The following CDH12 variants were observed in gnomAD, a reference collection of about 807,000 sequenced individuals.
CDH12 encodes cadherin-12.
In CDH12, 41 loss-of-function variants were observed where a neutral mutation model predicts 74.1. The observed-to-expected ratio is 0.55, with a 90% CI of 0.43 to 0.72. The LOEUF is 0.72. Among genes scored for constraint, CDH12 ranks in the 30% least tolerant of loss-of-function variants. The pLI, the probability that CDH12 is intolerant of heterozygous loss-of-function variation, is 0.00. For synonymous variants in CDH12, 399 were observed against 355.0 expected, an observed-to-expected ratio of 1.12 and a Z score of -1.39; for missense variants, 945 against 977.2, an observed-to-expected ratio of 0.97 and a Z score of 0.44.
At chr5:22,352,136 T>C (rs1740380729) in intron 3 of CDH12, among the ~76,000 whole-genome samples, 1 of 151,994 alleles carries the variant, frequency 6.6e-6, no homozygotes, top group Non-Finnish European at 1.5e-5. Flanking sequence ...GTTTTTTTTT[T>C]TTTAATTTGG....
intron 4 of CDH12, among the ~76,000 whole-genome samples, chr5:22,177,225 A>T (rs1324603137): frequency 1.3e-5 from 2 of 152,150 alleles, no homozygotes; most frequent in Admixed American, 6.6e-5. Flanking sequence ...AAATCCCATG[A>T]TTATTTTATG....
intron 10 of CDH12, among the ~76,000 whole-genome samples, chr5:21,792,790 C>G (rs1292298621): frequency 1.3e-5 from 2 of 151,610 alleles, no homozygotes; most frequent in Non-Finnish European, 3.0e-5. Flanking sequence ...TACACCTGTC[C>G]TTTAGTTTAC....
chr5:22,271,748 T>C (rs1388561590), intron 3 of CDH12, among the ~76,000 whole-genome samples: 1 of 152,170 alleles, frequency 6.6e-6, no homozygotes, highest in East Asian at 1.9e-4. Flanking sequence ...AGTTCTTGAG[T>C]GACCAGGTAC....
chr5:22,700,003 C>T (rs1742626729), intron 1 of CDH12, among the ~76,000 whole-genome samples: 1 of 152,012 alleles, frequency 6.6e-6, no homozygotes, highest in Middle Eastern at 3.4e-3. Flanking sequence ...GGTAAAAGCC[C>T]GTGTCTACAA....
Position 22,084,164 on chromosome 5 carries a change from G to C in CDH12, c.-186-5302C>G, listed in dbSNP as rs79365614. On this transcript the variant is annotated intron_variant, in intron 4 of 14. Coordinates refer to ENST00000382254, the MANE Select transcript of CDH12 (RefSeq NM_004061.5). The stretch of plus-strand genomic sequence containing the variant: ...ATCAAGGCACTAAACAGGTCACCAG[G>C]TTGAGTGATAAGAAATAGCTGTTGT... Among the ~76,000 whole-genome samples, 1,112 of 152,252 alleles carry C rather than the reference G, an allele frequency of 7.3e-3. 12 individuals carry two copies. The highest frequency in any genetic ancestry group is 0.026 in the African/African-American group (1,066 of 41,552).
intron 5 of CDH12, among the ~76,000 whole-genome samples, chr5:21,994,838 CG>C (rs1248809305): frequency 6.6e-6 from 1 of 152,062 alleles, no homozygotes; most frequent in Admixed American, 6.6e-5. Context: ...TCTGTAAAAA[CG>C]GACCAATCAG....
chr5:22,614,978 G>C (rs1014065), intron 1 of CDH12, among the ~76,000 whole-genome samples: 6,648 of 152,102 alleles, frequency 0.044, 465 homozygotes, highest in African/African-American at 0.14. Flanking sequence ...TGTCATCCAG[G>C]GTGGGGAAGA....
intron 2 of CDH12, among the ~76,000 whole-genome samples, chr5:22,464,653 C>T (rs901287987): frequency 2.0e-5 from 3 of 152,122 alleles, no homozygotes; most frequent in African/African-American, 7.2e-5. Context: ...TGATTAATCC[C>T]CACATCCTGG....
Position 22,123,943 on chromosome 5 carries a change from T to C in CDH12, c.-186-45081A>G, listed in dbSNP as rs115029459. Among the ~76,000 whole-genome samples, 1,104 of 151,700 alleles carry C rather than the reference T, an allele frequency of 7.3e-3. 28 individuals are homozygous for C. Among genetic ancestry groups the C allele is most frequent in the African/African-American group, 0.025 (1,054 of 41,512 alleles). On this transcript the variant is annotated intron_variant, in intron 4 of 14. Transcript: ENST00000382254. ...GAGTTTTTTAATTTTTAAAAAAGTT[T>C]TGTAATTTTTTTATTTTTTATTTTA...
chr5:22,700,050 C>A (rs1377119685), intron 1 of CDH12, among the ~76,000 whole-genome samples: 1 of 152,074 alleles, frequency 6.6e-6, no homozygotes, highest in Non-Finnish European at 1.5e-5. Context: ...CCTGTAATCT[C>A]AGCTATGTCA....
intron 10 of CDH12, among the ~76,000 whole-genome samples, chr5:21,798,985 T>C (rs1294620117): frequency 6.6e-6 from 1 of 152,106 alleles, no homozygotes; most frequent in Non-Finnish European, 1.5e-5. Flanking sequence ...GCTAAAATTA[T>C]GAATGTTCAA....
intron 2 of CDH12, among the ~76,000 whole-genome samples, chr5:22,488,900 A>G (rs1746721467): frequency 6.6e-6 from 1 of 151,780 alleles, no homozygotes; most frequent in Non-Finnish European, 1.5e-5. Flanking sequence ...CTGTTTCTAG[A>G]GAACTGTGAA....
At chr5:21,882,603 C>T in intron 6 of CDH12, 1 of 1,599,654 alleles carries the variant, frequency 6.3e-7, no homozygotes. Flanking sequence ...CGGTTACCCA[C>T]AGTCTTTCGC....
rs574219367 is a variant in CDH12 at position 22,379,658 on chromosome 5, A to G, written c.-333+25599T>C. On this transcript the variant is annotated intron_variant, in intron 3 of 14. Transcript: ENST00000382254. ...TCCTTAACAATGAATTAGGGATAAT[A>G]AAACCCTCCCAGAGATGACTGTGAG... Among the ~76,000 whole-genome samples, 13 of 152,314 alleles carry G rather than the reference A, an allele frequency of 8.5e-5. No individual in the cohort carries two copies. In the East Asian group the frequency reaches 2.3e-3, roughly 27 times the overall value.
intron 1 of CDH12, among the ~76,000 whole-genome samples, chr5:22,674,479 T>C (rs1194287238): frequency 2.0e-5 from 3 of 152,186 alleles, no homozygotes; most frequent in African/African-American, 4.8e-5. Context: ...CACGTATGTC[T>C]TTATCAGCAG....
intron 11 of CDH12, among the ~76,000 whole-genome samples, chr5:21,778,521 AT>A (rs71964106): frequency 0.048 from 5,470 of 114,952 alleles, 95 homozygotes; most frequent in African/African-American, 0.066. Context: ...AAAAATCTCT[AT>A]TTTTTTTTTT....
chr5:22,079,282 C>A (rs912800331), intron 4 of CDH12, among the ~76,000 whole-genome samples: 6 of 152,172 alleles, frequency 3.9e-5, no homozygotes, highest in African/African-American at 1.2e-4. Flanking sequence ...GCACTTTTTT[C>A]TTCTACTTAA....
chr5:22,199,499 T>G (rs992036604), intron 4 of CDH12, among the ~76,000 whole-genome samples: 1 of 152,204 alleles, frequency 6.6e-6, no homozygotes, highest in Non-Finnish European at 1.5e-5. Flanking sequence ...TTTAACTAAA[T>G]TTTTGTGTTA....
At chr5:22,170,200 C>T (rs1561185492) in intron 4 of CDH12, among the ~76,000 whole-genome samples, 1 of 151,784 alleles carries the variant, frequency 6.6e-6, no homozygotes, top group Non-Finnish European at 1.5e-5. Flanking sequence ...GCCAGACCTG[C>T]TTCTCTTGAA....
Sources: gnomAD v4.1 joint callset for allele counts (sites outside exome capture counted in the v4.1 genomes callset) on GRCh38, gnomAD v4.1.1 for gene constraint, MANE v1.5 for transcripts, NCBI Gene and HGNC (gene_info 2026-07-23, HGNC 2026-07-21) for gene names.